PDZRN4: variants seen among roughly 807,000 people sequenced by gnomAD.
PDZRN4 encodes PDZ domain-containing RING finger protein 4.
Under a neutral mutation model 99.0 loss-of-function variants are expected in PDZRN4, and 70 were observed. That is an observed-to-expected ratio of 0.71 (90% CI 0.58 to 0.86). The LOEUF is 0.86. PDZRN4 is among the 40% of genes least tolerant of loss of function. The pLI is 0.00. For synonymous variants in PDZRN4, 551 were observed against 501.6 expected, an observed-to-expected ratio of 1.10 and a Z score of -1.32; for missense variants, 1,474 against 1,331.2, an observed-to-expected ratio of 1.11 and a Z score of -1.67.
chr12:41,357,955 A>G (rs1249519804), intron 3 of PDZRN4, among the ~76,000 whole-genome samples: 1 of 152,030 alleles, frequency 6.6e-6, no homozygotes, highest in African/African-American at 2.4e-5. Context: ...ATGCAACCCA[A>G]GAGGAAATTT....
At chr12:41,357,519 G>C (rs1213381505) in intron 3 of PDZRN4, among the ~76,000 whole-genome samples, 4 of 151,916 alleles carry the variant, frequency 2.6e-5, no homozygotes, top group Non-Finnish European at 5.9e-5. Flanking sequence ...GGCATACAAA[G>C]ATGAACACAA....
intron 2 of PDZRN4, among the ~76,000 whole-genome samples, chr12:41,193,736 C>T (rs1950751733): frequency 6.6e-6 from 1 of 152,172 alleles, no homozygotes; most frequent in Admixed American, 6.5e-5. Context: ...AACCTTATCA[C>T]CCTTTTACTT....
intron 3 of PDZRN4, among the ~76,000 whole-genome samples, chr12:41,410,320 G>A (rs997672392): frequency 2.6e-5 from 4 of 152,048 alleles, no homozygotes; most frequent in African/African-American, 9.7e-5. Context: ...CATATGCTGG[G>A]AAATACACAT....
At chr12:41,256,939 T>A (rs2120821900) in intron 3 of PDZRN4, among the ~76,000 whole-genome samples, 2 of 152,318 alleles carry the variant, frequency 1.3e-5, no homozygotes, top group Middle Eastern at 3.4e-3. Context: ...TTGTTATACA[T>A]ATCACCATAT....
chr12:41,548,674 T>A (rs1323677064), intron 5 of PDZRN4, among the ~76,000 whole-genome samples: 1 of 152,204 alleles, frequency 6.6e-6, no homozygotes, highest in Non-Finnish European at 1.5e-5. Context: ...CAATGCTGCT[T>A]AAAAAGCCAA....
At chr12:41,311,399 C>G (rs911670075) in intron 3 of PDZRN4, among the ~76,000 whole-genome samples, 1 of 152,000 alleles carries the variant, frequency 6.6e-6, no homozygotes, top group Non-Finnish European at 1.5e-5. Flanking sequence ...ATGTCACATG[C>G]TGGAATTTTC....
At position 41,436,718 on chromosome 12, in the gene PDZRN4, A is replaced by G. The variant is rs150555809; in HGVS notation, c.844-69738A>G. On this transcript the variant is annotated intron_variant, in intron 3 of 9. Coordinates refer to ENST00000402685, the MANE Select transcript of PDZRN4 (RefSeq NM_001164595.2). Reference sequence around the variant, plus strand: ...AAGGGACAAAAACTGCCAGCTTGCAATACAACACATGTATTTGCAAGAGTG... The same window carrying G: ...AAGGGACAAAAACTGCCAGCTTGCAGTACAACACATGTATTTGCAAGAGTG... Among the ~76,000 whole-genome samples, 24 of 152,316 alleles carry G rather than the reference A, an allele frequency of 1.6e-4. 1 individual carries two copies. The East Asian group carries it at 4.6e-3, about 29-fold the overall frequency.
chr12:41,520,795 C>G (rs775750593), intron 5 of PDZRN4, among the ~76,000 whole-genome samples: 1 of 151,984 alleles, frequency 6.6e-6, no homozygotes, highest in African/African-American at 2.4e-5. Flanking sequence ...AGATGAAGCA[C>G]TGGATGGTAA....
intron 3 of PDZRN4, among the ~76,000 whole-genome samples, chr12:41,195,005 G>A (rs1591962920): frequency 6.6e-6 from 1 of 152,096 alleles, no homozygotes; most frequent in South Asian, 2.1e-4. Flanking sequence ...GAAAGAAAAA[G>A]AGAAATACCT....
chr12:41,512,656 G>A (rs1938326076), intron 5 of PDZRN4, among the ~76,000 whole-genome samples: 1 of 152,062 alleles, frequency 6.6e-6, no homozygotes, highest in Admixed American at 6.5e-5. Context: ...CTGGAACATA[G>A]GAAAGCCATA....
At chr12:41,361,758 A>G (rs1951964981) in intron 3 of PDZRN4, among the ~76,000 whole-genome samples, 1 of 152,072 alleles carries the variant, frequency 6.6e-6, no homozygotes, top group African/African-American at 2.4e-5. Context: ...TAATGTGCAC[A>G]GGAAGGGATC....
At chr12:41,284,575 G>C (rs1455871263) in intron 3 of PDZRN4, among the ~76,000 whole-genome samples, 3 of 152,154 alleles carry the variant, frequency 2.0e-5, no homozygotes, top group South Asian at 2.1e-4. Context: ...AAGGAACAAA[G>C]CTGGAGGCAT....
chr12:41,458,402 C>A (rs2608689), intron 3 of PDZRN4, among the ~76,000 whole-genome samples: 78,613 of 151,974 alleles, frequency 0.52, 20,877 homozygotes, highest in African/African-American at 0.65. Context: ...GGTGATCCGC[C>A]TGCCTTGGCC....
intron 8 of PDZRN4, among the ~76,000 whole-genome samples, chr12:41,567,379 GGTT>G (rs1939392366): frequency 6.6e-6 from 1 of 152,106 alleles, no homozygotes; most frequent in Non-Finnish European, 1.5e-5. Context: ...TCTCGTTGGG[GGTT>G]GTTGTTAAAG....
intron 3 of PDZRN4, among the ~76,000 whole-genome samples, chr12:41,222,378 T>G (rs1950961150): frequency 6.6e-6 from 1 of 152,168 alleles, no homozygotes; most frequent in Non-Finnish European, 1.5e-5. Flanking sequence ...GCAGCTGTGA[T>G]GTACAGATTG....
At chr12:41,282,115 A>G (rs896248707) in intron 3 of PDZRN4, among the ~76,000 whole-genome samples, 12 of 152,194 alleles carry the variant, frequency 7.9e-5, no homozygotes, top group African/African-American at 2.9e-4. Context: ...GGTGTGCTGT[A>G]TTCAGGAGAC....
chr12:41,408,021 T>A (rs1952362337), intron 3 of PDZRN4, among the ~76,000 whole-genome samples: 1 of 152,226 alleles, frequency 6.6e-6, no homozygotes, highest in South Asian at 2.1e-4. Context: ...AATTAGTTTT[T>A]AGAGTGTGAT....
chr12:41,244,806 TC>T (rs1032899977), intron 3 of PDZRN4, among the ~76,000 whole-genome samples: 52 of 147,784 alleles, frequency 3.5e-4, no homozygotes, highest in African/African-American at 1.3e-3. Context: ...TGCCTCAGCC[TC>T]CCGAGTAGCT....
chr12:41,347,879 C>T (rs984722381), intron 3 of PDZRN4, among the ~76,000 whole-genome samples: 4 of 151,976 alleles, frequency 2.6e-5, no homozygotes, highest in African/African-American at 9.7e-5. Context: ...GTTAAGTGAA[C>T]GAAGCAAATA....
Sources: gnomAD v4.1 joint callset for allele counts (sites outside exome capture counted in the v4.1 genomes callset) on GRCh38, gnomAD v4.1.1 for gene constraint, MANE v1.5 for transcripts, NCBI Gene and HGNC (gene_info 2026-07-23, HGNC 2026-07-21) for gene names.